Variants in MARCHF4 observed in about 807,000 individuals in gnomAD.
The protein encoded by MARCHF4 is membrane associated ring-CH-type finger 4, also known as E3 ubiquitin-protein ligase MARCHF4.
A neutral mutation model predicts 43.9 loss-of-function variants in MARCHF4; 14 were observed. The ratio of observed to expected loss-of-function variants is 0.32; its 90% CI spans 0.21 to 0.50. MARCHF4 has a LOEUF of 0.50. Among genes scored for constraint, MARCHF4 ranks in the 20% least tolerant of loss-of-function variants. The pLI is 0.98. For synonymous variants in MARCHF4, 226 were observed against 213.3 expected, an observed-to-expected ratio of 1.06 and a Z score of -0.52; for missense variants, 468 against 536.7, an observed-to-expected ratio of 0.87 and a Z score of 1.27.
intron 1 of MARCHF4, among the ~76,000 whole-genome samples, chr2:216,343,093 C>T (rs552523806): frequency 6.6e-6 from 1 of 152,238 alleles, no homozygotes; most frequent in African/African-American, 2.4e-5. Flanking sequence ...CAGGCTGTGA[C>T]CAAGTTGAGG....
intron 1 of MARCHF4, among the ~76,000 whole-genome samples, chr2:216,323,523 T>C (rs939619204): frequency 2.6e-5 from 4 of 152,174 alleles, no homozygotes; most frequent in Middle Eastern, 3.4e-3. Flanking sequence ...TTTTTCAGCA[T>C]CACACCACAC....
intron 1 of MARCHF4, among the ~76,000 whole-genome samples, chr2:216,341,091 C>G (rs1428367131): frequency 2.0e-5 from 3 of 152,192 alleles, no homozygotes; most frequent in Admixed American, 6.5e-5. Flanking sequence ...CCCAGGAAAG[C>G]AGTCACTGGA....
chr2:216,357,511 A>T (rs1266845651), intron 1 of MARCHF4, among the ~76,000 whole-genome samples: 1 of 152,142 alleles, frequency 6.6e-6, no homozygotes, highest in Non-Finnish European at 1.5e-5. Flanking sequence ...TGTAGAAACA[A>T]AGTTTCACTA....
rs143000692 is a variant in MARCHF4, at chr2:216,335,556, T to C, written c.516+34189A>G. Among the ~76,000 whole-genome samples the C allele has an allele frequency of 4.8e-3, 729 of 152,308 alleles. 21 individuals are homozygous for C. Among genetic ancestry groups the C allele is most frequent in the Admixed American group, 0.042 (642 of 15,296 alleles). ...TCAGAGGAAACAATACCATCTAATA[T>C]GAAATTCTGACATTTTGATGTCTAG... On this transcript the variant is annotated intron_variant, in intron 1 of 3. Transcript: ENST00000273067.
At position 216,369,770 on chromosome 2, in the gene MARCHF4, C is replaced by T. The variant is rs1219556208; in HGVS notation, c.491G>A (p.Arg164His). 2 of 1,597,926 alleles carry T rather than the reference C, an allele frequency of 1.3e-6. No individual in the cohort carries two copies. Among genetic ancestry groups the T allele is most frequent in the African/African-American group, 1.3e-5 (1 of 74,566 alleles). ...CTGTTCTGGCCCCTGGAAGCAGATGCGGCAGAGTGGGGTCCTCATACCACT... is the reference window on the plus strand; with the variant it reads ...CTGTTCTGGCCCCTGGAAGCAGATGTGGCAGAGTGGGGTCCTCATACCACT... ...LDSGMRTPLC[R>H]ICFQGPEQGE... Residue 164 changes from arginine (R) to histidine (H), a missense_variant, in exon 1 of 4, where the codon CGC becomes CAC. Around this residue, in one of 3 missense-constraint regions of MARCHF4, gnomAD observed 158 missense variants for 251.1 expected, o/e 0.63. Coordinates refer to ENST00000273067, the MANE Select transcript of MARCHF4 (RefSeq NM_020814.3).
intron 1 of MARCHF4, among the ~76,000 whole-genome samples, chr2:216,350,372 A>C (rs10166258): frequency 8.7e-6 from 1 of 115,144 alleles, no homozygotes; most frequent in Non-Finnish European, 1.8e-5. Flanking sequence ...ACACTCCCTC[A>C]CTATGCCACA....
intron 1 of MARCHF4, among the ~76,000 whole-genome samples, chr2:216,342,762 G>C (rs1692256135): frequency 6.6e-6 from 1 of 152,174 alleles, no homozygotes; most frequent in Non-Finnish European, 1.5e-5. Context: ...CCCTGGCCCA[G>C]GGAACTGATT....
In MARCHF4 at chr2:216,295,137, G is replaced by A. The variant is rs191947300; in HGVS notation, c.517-11408C>T. On this transcript the variant is annotated intron_variant, in intron 1 of 3. Transcript: ENST00000273067. ...GGGGCCTGCAGACCGAGGCTGGCTG[G>A]GTTGAATCCTTGCTGACCTGTAGTG... is the stretch of plus-strand genomic sequence containing the variant. 2.6e-4 allele frequency among the ~76,000 whole-genome samples: 40 copies of A among 152,326 alleles called. No homozygotes were observed. The South Asian group carries it at 3.5e-3, about 13-fold the overall frequency.
At chr2:216,278,541 T>G (rs1691072040) in intron 2 of MARCHF4, among the ~76,000 whole-genome samples, 1 of 152,190 alleles carries the variant, frequency 6.6e-6, no homozygotes, top group South Asian at 2.1e-4. Context: ...CAGATCATTC[T>G]TTTCAGAGAA....
chr2:216,300,153 T>C (rs1260724916), intron 1 of MARCHF4, among the ~76,000 whole-genome samples: 2 of 152,166 alleles, frequency 1.3e-5, no homozygotes, highest in Non-Finnish European at 2.9e-5. Context: ...TTAGCCTCTC[T>C]GAGCTTTAAC....
Position 216,369,768 on chromosome 2 carries a change from T to G in MARCHF4, c.493A>C (p.Ile165Leu). The change falls in exon 1 of 4, where the codon ATC becomes CTC. Residue 165 changes from isoleucine (I) to leucine (L), a missense_variant. By Grantham distance (5) the Ile-to-Leu change is conservative. Transcript: ENST00000273067. ...DSGMRTPLCR[I>L]CFQGPEQGEL... ...ACCTGTTCTGGCCCCTGGAAGCAGA[T>G]GCGGCAGAGTGGGGTCCTCATACCA... 1.9e-6 allele frequency: 3 copies of G among 1,598,232 alleles called. No homozygotes were observed. Among genetic ancestry groups the G allele is most frequent in the Non-Finnish European group, 2.6e-6 (3 of 1,169,130 alleles).
At chr2:216,327,668 A>G (rs1692016936) in intron 1 of MARCHF4, among the ~76,000 whole-genome samples, 1 of 152,238 alleles carries the variant, frequency 6.6e-6, no homozygotes, top group Admixed American at 6.5e-5. Context: ...ATGTTGATAT[A>G]ATGCTTTAGC....
chr2:216,299,783 G>T (rs1441421677), intron 1 of MARCHF4, among the ~76,000 whole-genome samples: 3 of 152,178 alleles, frequency 2.0e-5, no homozygotes, highest in Non-Finnish European at 4.4e-5. Flanking sequence ...TGGCTGAATG[G>T]TTCTGCTGAT....
chr2:216,304,868 C>T (rs1452250583), intron 1 of MARCHF4, among the ~76,000 whole-genome samples: 2 of 151,996 alleles, frequency 1.3e-5, no homozygotes, highest in African/African-American at 2.4e-5. Flanking sequence ...GCAGGAGAAT[C>T]GCTTGAACCC....
chr2:216,323,170 C>G (rs190326983), intron 1 of MARCHF4, among the ~76,000 whole-genome samples: 6 of 152,268 alleles, frequency 3.9e-5, no homozygotes, highest in Admixed American at 3.9e-4. Flanking sequence ...TTTACATTCT[C>G]TCAACCTCCT....
At chr2:216,289,454 G>T (rs1452539534) in intron 1 of MARCHF4, among the ~76,000 whole-genome samples, 2 of 152,072 alleles carry the variant, frequency 1.3e-5, no homozygotes, top group African/African-American at 4.8e-5. Context: ...TGTTACAAGG[G>T]TCTGTCCCAA....
intron 1 of MARCHF4, 114 bp downstream of exon 1, chr2:216,369,631 A>G (rs547910674): frequency 4.8e-6 from 4 of 826,262 alleles, no homozygotes; most frequent in Admixed American, 2.6e-5. Context: ...GCTCTTAAAC[A>G]TAGAGTCCTC....
chr2:216,344,242 C>T (rs1420915885), intron 1 of MARCHF4, among the ~76,000 whole-genome samples: 2 of 121,828 alleles, frequency 1.6e-5, no homozygotes. Flanking sequence ...AAAACAAAAA[C>T]AGAAACAAAC....
At chr2:216,279,117 C>T (rs1025459134) in intron 2 of MARCHF4, among the ~76,000 whole-genome samples, 9 of 152,280 alleles carry the variant, frequency 5.9e-5, no homozygotes, top group Non-Finnish European at 1.0e-4. Context: ...AGGAACATGG[C>T]ACAGTGAGAG....
Sources: allele counts gnomAD v4.1 joint callset (sites outside exome capture counted in the v4.1 genomes callset), GRCh38; gene constraint gnomAD v4.1.1; regional missense constraint gnomAD v4.1.1; transcripts MANE v1.5; gene names NCBI Gene and HGNC (gene_info 2026-07-23, HGNC 2026-07-21).